FAM228B: variants seen among roughly 807,000 people sequenced by gnomAD.
FAM228B encodes family with sequence similarity 228 member B.
A neutral mutation model predicts 42.6 loss-of-function variants in FAM228B; 38 were observed. The ratio of observed to expected loss-of-function variants is 0.89; its 90% confidence interval spans 0.69 to 1.17. FAM228B has a LOEUF of 1.17. Ranked by LOEUF, FAM228B falls within the 50% of genes most tolerant of loss-of-function variation. FAM228B has a pLI of 0.00. For missense variants in FAM228B, 344 were observed against 367.3 expected, an observed-to-expected ratio of 0.94 and a Z score of 0.52; for synonymous variants, 109 against 122.3, an observed-to-expected ratio of 0.89 and a Z score of 0.72.
chr2:24,077,331 A>T lies in FAM228B; in HGVS notation c.-290+362A>T. On this transcript the variant is annotated intron_variant, in intron 1 of 10. Coordinates refer to the FAM228B transcript ENST00000613899. This position sits in a 1 kb window ranked among gnomAD's most constrained non-coding sequence, Gnocchi z 5.5. ...AATCTCCGTCCCTGGAGGGGCCCTC[A>T]GGTTGAGCGTCAGCTGATCGGGCCT... 2.7e-6 allele frequency: 1 copy of T among 367,862 alleles called. No individual in the cohort carries two copies. The highest frequency in any genetic ancestry group is 5.0e-6 in the Non-Finnish European group (1 of 200,970). The allele number at this position is 367,862 out of a possible 1,614,324, so 22.8% of individuals were successfully genotyped here.
upstream of FAM228B, among the ~76,000 whole-genome samples, chr2:24,119,924 G>A (rs143528519): frequency 2.4e-3 from 365 of 152,210 alleles, 2 homozygotes; most frequent in African/African-American, 8.4e-3. Context: ...ATGGTAGATG[G>A]ATTTTGAAAA....
chr2:24,143,297 C>A (rs1426945517), intron 5 of FAM228B, among the ~76,000 whole-genome samples: 1 of 151,990 alleles, frequency 6.6e-6, no homozygotes, highest in Non-Finnish European at 1.5e-5. Context: ...TCTCCTGCCT[C>A]AGCCTCCCGA....
intron 8 of FAM228B, among the ~76,000 whole-genome samples, chr2:24,163,133 G>A (rs1001554376): frequency 6.6e-6 from 1 of 152,206 alleles, no homozygotes; most frequent in African/African-American, 2.4e-5. Context: ...TGCAAGAAAA[G>A]TGAGCTTTTA....
chr2:24,113,353 G>A (rs548490674), intron 3 of FAM228B, among the ~76,000 whole-genome samples: 10 of 152,070 alleles, frequency 6.6e-5, no homozygotes, highest in Non-Finnish European at 1.5e-4. Context: ...CAGAACGATT[G>A]CTTGAGCCCA....
chr2:24,160,181 G>A (rs1401734546), intron 7 of FAM228B, among the ~76,000 whole-genome samples: 1 of 151,952 alleles, frequency 6.6e-6, no homozygotes, highest in East Asian at 1.9e-4. Flanking sequence ...GTAGAGATGA[G>A]GTTTCACCGT....
chr2:24,124,305 C>A, intron 1 of FAM228B, 25 bp from the exon 2 acceptor site: 2 of 1,148,752 alleles, frequency 1.7e-6, no homozygotes, highest in Non-Finnish European at 2.5e-6. Context: ...GTGAAATGTT[C>A]AATACTAAAT....
chr2:24,148,629 A>T (rs1175278293), intron 7 of FAM228B, among the ~76,000 whole-genome samples: 1 of 152,154 alleles, frequency 6.6e-6, no homozygotes, highest in African/African-American at 2.4e-5. Flanking sequence ...TATGAGGTAC[A>T]TGAGATGTTT....
intron 7 of FAM228B, among the ~76,000 whole-genome samples, chr2:24,151,177 C>T (rs1416271573): frequency 6.6e-6 from 1 of 152,132 alleles, no homozygotes; most frequent in African/African-American, 2.4e-5. Flanking sequence ...TTCAAGCTCA[C>T]TAATACATTT....
At chr2:24,082,379 C>A (rs1437990024) in intron 2 of FAM228B, among the ~76,000 whole-genome samples, 3 of 152,192 alleles carry the variant, frequency 2.0e-5, no homozygotes, top group African/African-American at 4.8e-5. Context: ...CTACCCTTGT[C>A]CACACCATCT....
rs1472032163 is a variant in FAM228B at position 24,103,685 on chromosome 2, G to A, written c.-121+8456G>A. ...CGGGTGTGTTTAGGAAAGGCTGGCC[G>A]GCCAGGAGGTGAGCTGCCAAGAGGC... On this transcript the variant is annotated intron_variant, in intron 3 of 10. Coordinates refer to the FAM228B transcript ENST00000613899. Among the ~76,000 whole-genome samples the A allele has an allele frequency of 7.9e-5, 12 of 152,152 alleles. No homozygotes were observed. The South Asian group carries it at 1.7e-3, about 21-fold the overall frequency.
At position 24,113,851 on chromosome 2, in the gene FAM228B, T is replaced by C. The variant is rs186334181; in HGVS notation, c.-121+18622T>C. Among the ~76,000 whole-genome samples, 459 of 152,270 alleles carry C rather than the reference T, an allele frequency of 3.0e-3. 1 individual carries two copies. The highest frequency in any genetic ancestry group is 0.01 in the African/African-American group (432 of 41,562). On this transcript the variant is annotated intron_variant, in intron 3 of 10. Coordinates refer to the FAM228B transcript ENST00000613899. ...GAGATTGCACCATTGCACGCCAGCC[T>C]GGGTGACAAGAGCAAAACTCTGTCT...
chr2:24,104,635 A>G lies in FAM228B; in HGVS notation c.-121+9406A>G, dbSNP rs796888627. Among the ~76,000 whole-genome samples, 9 of 151,862 alleles carry G rather than the reference A, an allele frequency of 5.9e-5. 1 individual carries two copies. Among genetic ancestry groups the G allele is most frequent in the African/African-American group, 2.2e-4 (9 of 41,374 alleles). On this transcript the variant is annotated intron_variant, in intron 3 of 10. Coordinates refer to the FAM228B transcript ENST00000613899. ...GTGCAGCTTTCTGTTGTCCTGGGAA[A>G]CACCCGAACAGCAGAGTAAGTGACT...
Position 24,080,652 on chromosome 2 carries a change from G to T in FAM228B, c.-289-224G>T, listed in dbSNP as rs1480174572. The T allele has an allele frequency of 2.8e-6, 2 of 725,376 alleles. No homozygotes were observed. Among genetic ancestry groups the T allele is most frequent in the East Asian group, 2.5e-5 (1 of 40,530 alleles). The allele number at this position is 725,376 out of a possible 1,614,324, so 44.9% of individuals were successfully genotyped here. Reference sequence around the variant, plus strand: ...AACCATCTTAGATTTAAATATGACTGCCTGTCTCCAGTGGTCAAATACCAT... The same window carrying T: ...AACCATCTTAGATTTAAATATGACTTCCTGTCTCCAGTGGTCAAATACCAT... On this transcript the variant is annotated intron_variant, in intron 1 of 10. Coordinates refer to the FAM228B transcript ENST00000613899. The surrounding 1 kb of genome is among the most constrained non-coding windows in gnomAD (Gnocchi z 4.7).
At chr2:24,113,722 C>T (rs1665838657) in intron 3 of FAM228B, among the ~76,000 whole-genome samples, 1 of 152,068 alleles carries the variant, frequency 6.6e-6, no homozygotes, top group African/African-American at 2.4e-5. Flanking sequence ...ACTAAAAATA[C>T]AAAAATTAGC....
intron 7 of FAM228B, among the ~76,000 whole-genome samples, chr2:24,154,839 C>G (rs1031426333): frequency 6.6e-6 from 1 of 152,158 alleles, no homozygotes; most frequent in African/African-American, 2.4e-5. Context: ...TCTAGAGCAT[C>G]ATTATTTCTA....
chr2:24,110,699 T>G lies in FAM228B; in HGVS notation c.-121+15470T>G, dbSNP rs149310248. 4.2e-3 allele frequency among the ~76,000 whole-genome samples: 639 copies of G among 152,330 alleles called. 2 individuals are homozygous for G. The highest frequency in any genetic ancestry group is 0.015 in the African/African-American group (607 of 41,566). On this transcript the variant is annotated intron_variant, in intron 3 of 10. Coordinates refer to the FAM228B transcript ENST00000613899. ...ATCCTTTATAAGAAAACTGCAATCG[T>G]AAGTGCAGTGTAGCCTTTTCATGAG...
rs889455413 is a variant in FAM228B at position 24,080,154 on chromosome 2, C to T, written c.-289-722C>T. Among the ~76,000 whole-genome samples, 3 of 151,990 alleles carry T rather than the reference C, an allele frequency of 2.0e-5. No individual in the cohort carries two copies. Among genetic ancestry groups the T allele is most frequent in the African/African-American group, 7.2e-5 (3 of 41,386 alleles). ...GGTGGATCACCTGAGGTCAGGAGTT[C>T]GAGACCAGCCTGGCCAACATAGTGA... is the stretch of plus-strand genomic sequence containing the variant. On this transcript the variant is annotated intron_variant, in intron 1 of 10. Transcript: ENST00000613899. The surrounding 1 kb of genome is among the most constrained non-coding windows in gnomAD (Gnocchi z 4.7).
intron 7 of FAM228B, among the ~76,000 whole-genome samples, chr2:24,148,331 G>A (rs1573775921): frequency 6.6e-6 from 1 of 152,264 alleles, no homozygotes; most frequent in Non-Finnish European, 1.5e-5. Context: ...TTATTGCAAG[G>A]CTTCTAGTGG....
chr2:24,104,835 A>G (rs1463498783), intron 3 of FAM228B, among the ~76,000 whole-genome samples: 2 of 152,200 alleles, frequency 1.3e-5, no homozygotes, highest in African/African-American at 4.8e-5. Flanking sequence ...CCAGGTGGAT[A>G]ACACCTGCTA....
Sources: gnomAD v4.1 joint callset for allele counts (sites outside exome capture counted in the v4.1 genomes callset) on GRCh38, gnomAD v4.1.1 for gene constraint, Gnocchi (gnomAD v3.1) non-coding constraint, MANE v1.5 for transcripts, NCBI Gene and HGNC (gene_info 2026-07-23, HGNC 2026-07-21) for gene names.